Variants in NCAM2 observed in about 807,000 individuals in gnomAD.
NCAM2 encodes the protein neural cell adhesion molecule 2, also known as N-CAM-2.
A neutral mutation model predicts 98.1 loss-of-function variants in NCAM2; 30 were observed. That is an observed-to-expected ratio of 0.31 (90% CI 0.23 to 0.41). NCAM2 has a LOEUF of 0.41. NCAM2 is among the 10% of genes least tolerant of loss of function. NCAM2 has a pLI of 1.00. For missense variants in NCAM2, 867 were observed against 1,005.8 expected (o/e 0.86, Z 1.87); for synonymous variants, 368 against 342.4 (o/e 1.07, Z -0.83).
intron 9 of NCAM2, among the ~76,000 whole-genome samples, chr21:21,386,284 C>T (rs2076270051): frequency 6.6e-6 from 1 of 152,096 alleles, no homozygotes; most frequent in Non-Finnish European, 1.5e-5. Context: ...TTTCAGTAAA[C>T]ACTTAGAAAT....
At chr21:21,396,495 G>T (rs2076510184) in intron 9 of NCAM2, among the ~76,000 whole-genome samples, 1 of 152,072 alleles carries the variant, frequency 6.6e-6, no homozygotes, top group Non-Finnish European at 1.5e-5. Context: ...CCTCTGCTTG[G>T]GTTTTGCTTG....
chr21:21,191,773 A>C (rs1038841197), intron 1 of NCAM2, among the ~76,000 whole-genome samples: 3 of 152,212 alleles, frequency 2.0e-5, no homozygotes, highest in Non-Finnish European at 4.4e-5. Flanking sequence ...AAAGCCAGGC[A>C]CTGAAAATAC....
chr21:21,286,514 C>A, intron 4 of NCAM2, 102 bp downstream of exon 4: 2 of 1,257,376 alleles, frequency 1.6e-6, no homozygotes, highest in Non-Finnish European at 2.2e-6. Flanking sequence ...AATTTTTGAC[C>A]CCAAATATTC....
At chr21:21,483,224 TTTAATA>T (rs1359463087) in intron 15 of NCAM2, among the ~76,000 whole-genome samples, 1 of 152,064 alleles carries the variant, frequency 6.6e-6, no homozygotes, top group East Asian at 1.9e-4. Context: ...CATGTCTAAT[TTTAATA>T]TTGACTATCA....
At chr21:21,457,608 C>A (rs921009726) in intron 12 of NCAM2, among the ~76,000 whole-genome samples, 1 of 151,684 alleles carries the variant, frequency 6.6e-6, no homozygotes, top group African/African-American at 2.4e-5. Context: ...CCATTACACA[C>A]CAGCCTGGGC....
At position 21,355,775 on chromosome 21, in the gene NCAM2, C is replaced by T. The variant is rs182405053; in HGVS notation, c.1044+17241C>T. ...GGACTACAGGCGCGTGCCACCACGCCTGGTTAATTTTTGTATGTTTAGTAG... is the reference window on the plus strand; with the variant it reads ...GGACTACAGGCGCGTGCCACCACGCTTGGTTAATTTTTGTATGTTTAGTAG... On this transcript the variant is annotated intron_variant, in intron 8 of 17. Coordinates refer to ENST00000400546, the MANE Select transcript of NCAM2 (RefSeq NM_004540.5). 2.0e-3 allele frequency among the ~76,000 whole-genome samples: 309 copies of T among 151,834 alleles called. 1 individual carries two copies. Among genetic ancestry groups the T allele is most frequent in the African/African-American group, 7.2e-3 (299 of 41,428 alleles).
At chr21:21,305,350 A>G (rs2073848654) in intron 5 of NCAM2, among the ~76,000 whole-genome samples, 1 of 152,024 alleles carries the variant, frequency 6.6e-6, no homozygotes, top group South Asian at 2.1e-4. Context: ...AAAAATAATA[A>G]TATCACTATG....
At chr21:21,034,255 AC>A (rs2064753785) in intron 1 of NCAM2, among the ~76,000 whole-genome samples, 1 of 152,174 alleles carries the variant, frequency 6.6e-6, no homozygotes, top group Admixed American at 6.5e-5. Flanking sequence ...GTGTAAGCAT[AC>A]ACCATATTTC....
chr21:21,219,796 G>A (rs1196479492), intron 1 of NCAM2, among the ~76,000 whole-genome samples: 1 of 152,154 alleles, frequency 6.6e-6, no homozygotes, highest in East Asian at 1.9e-4. Flanking sequence ...AAAGCTCTAT[G>A]CTTGTTATTG....
chr21:21,199,292 C>T (rs1252202022), intron 1 of NCAM2, among the ~76,000 whole-genome samples: 1 of 152,094 alleles, frequency 6.6e-6, no homozygotes, highest in Non-Finnish European at 1.5e-5. Flanking sequence ...TCATAAGGGC[C>T]AGAGATTTTG....
At chr21:21,271,894 T>C (rs1412709808) in intron 1 of NCAM2, among the ~76,000 whole-genome samples, 1 of 151,938 alleles carries the variant, frequency 6.6e-6, no homozygotes, top group African/African-American at 2.4e-5. Context: ...GGGCCTGTCA[T>C]GGGGTGAGGG....
chr21:21,144,992 A>G (rs2826705), intron 1 of NCAM2, among the ~76,000 whole-genome samples: 37,651 of 152,006 alleles, frequency 0.25, 5,207 homozygotes, highest in East Asian at 0.45. Context: ...GAATTTAAAA[A>G]TGTTACTGGC....
At chr21:21,058,048 A>G (rs1390836462) in intron 1 of NCAM2, among the ~76,000 whole-genome samples, 1 of 151,472 alleles carries the variant, frequency 6.6e-6, no homozygotes, top group Non-Finnish European at 1.5e-5. Flanking sequence ...ATCAACAGCC[A>G]TCTGCTCCAG....
intron 9 of NCAM2, among the ~76,000 whole-genome samples, chr21:21,397,023 G>C (rs1433532634): frequency 3.3e-5 from 5 of 152,178 alleles, no homozygotes; most frequent in African/African-American, 9.7e-5. Context: ...CAGACAAGTG[G>C]TGGGTTAGCA....
chr21:21,429,365 A>T (rs1056110251), intron 11 of NCAM2, among the ~76,000 whole-genome samples: 1 of 152,232 alleles, frequency 6.6e-6, no homozygotes, highest in Non-Finnish European at 1.5e-5. Flanking sequence ...ATATATTCAA[A>T]GATGGAAGCC....
chr21:21,128,069 C>T (rs763427667), intron 1 of NCAM2, among the ~76,000 whole-genome samples: 1 of 151,790 alleles, frequency 6.6e-6, no homozygotes, highest in Non-Finnish European at 1.5e-5. Flanking sequence ...AAAGCAAGAA[C>T]TGTATGTAGG....
chr21:21,235,857 T>C (rs1201028306), intron 1 of NCAM2, among the ~76,000 whole-genome samples: 1 of 152,068 alleles, frequency 6.6e-6, no homozygotes, highest in Non-Finnish European at 1.5e-5. Context: ...GGCCCCTTGT[T>C]ATATGTCCTC....
intron 1 of NCAM2, among the ~76,000 whole-genome samples, chr21:21,126,346 G>A (rs1396555077): frequency 1.3e-5 from 2 of 150,654 alleles, no homozygotes; most frequent in African/African-American, 2.4e-5. Flanking sequence ...TTGTAACATG[G>A]TGAAATACAT....
At chr21:21,344,625 G>A (rs868269655) in intron 8 of NCAM2, among the ~76,000 whole-genome samples, 7 of 152,192 alleles carry the variant, frequency 4.6e-5, no homozygotes, top group Middle Eastern at 3.4e-3. Context: ...AGAACACCAG[G>A]TAGACTTCTA....
Sources: allele counts gnomAD v4.1 joint callset (sites outside exome capture counted in the v4.1 genomes callset), GRCh38; gene constraint gnomAD v4.1.1; transcripts MANE v1.5; gene names NCBI Gene and HGNC (gene_info 2026-07-23, HGNC 2026-07-21).